CLYBL: variants seen among roughly 807,000 people sequenced by gnomAD.
The protein encoded by CLYBL is citramalyl-CoA lyase, mitochondrial.
Under a neutral mutation model 38.9 loss-of-function variants are expected in CLYBL, and 31 were observed. That is an observed-to-expected ratio of 0.80 (90% CI 0.60 to 1.08). The LOEUF (loss-of-function observed/expected upper bound fraction) is 1.08, where lower values mean the gene tolerates loss of function less well. CLYBL is among the 50% of genes least tolerant of loss of function. The pLI is 0.00. For synonymous variants in CLYBL, 171 were observed against 158.6 expected (o/e 1.08, Z -0.59); for missense variants, 434 against 411.6 (o/e 1.05, Z -0.47).
rs2051820879 is a variant in CLYBL at position 99,869,010 on chromosome 13, CT to C, written c.803-1927del. 6.6e-6 allele frequency among the ~76,000 whole-genome samples: 1 copy of C among 152,132 alleles called. No individual in the cohort carries two copies. Among genetic ancestry groups the C allele is most frequent in the Non-Finnish European group, 1.5e-5 (1 of 68,004 alleles). Reference sequence around the variant, plus strand: ...TTTTAATGTCTTCCAATTTTGCACCCTCTCAGTAACTTGTCAATAACAACTC... The same window carrying C: ...TTTTAATGTCTTCCAATTTTGCACCCCTCAGTAACTTGTCAATAACAACTC... On this transcript the variant is annotated intron_variant, in intron 6 of 8. Transcript: ENST00000339105. The surrounding 1 kb of genome is among the most constrained non-coding windows in gnomAD (Gnocchi z 4.3).
At chr13:99,728,174 T>A (rs1342348849) in intron 1 of CLYBL, among the ~76,000 whole-genome samples, 1 of 152,224 alleles carries the variant, frequency 6.6e-6, no homozygotes, top group Admixed American at 6.5e-5. Context: ...GCTCTGTGTT[T>A]TGGTGGGGGG....
At chr13:99,634,651 G>A (rs2046993964) in intron 1 of CLYBL, among the ~76,000 whole-genome samples, 2 of 147,172 alleles carry the variant, frequency 1.4e-5, no homozygotes, top group Non-Finnish European at 3.0e-5. Flanking sequence ...TTTTAATGTG[G>A]ATGTATTACT....
intron 1 of CLYBL, among the ~76,000 whole-genome samples, chr13:99,668,273 T>TAA (rs34558107): frequency 0.49 from 71,404 of 145,806 alleles, 17,466 homozygotes; most frequent in East Asian, 0.75. Context: ...GCCCTTGTCT[T>TAA]AAAAAAAAAA....
At chr13:99,776,411 A>G (rs1212148091) in intron 2 of CLYBL, among the ~76,000 whole-genome samples, 1 of 148,084 alleles carries the variant, frequency 6.8e-6, no homozygotes, top group Non-Finnish European at 1.5e-5. Flanking sequence ...CACGAGAATC[A>G]CTTGAACCTG....
At position 99,689,812 on chromosome 13, in the gene CLYBL, A is replaced by C. The variant is rs2047873412; in HGVS notation, c.63-83012A>C. On this transcript the variant is annotated intron_variant, in intron 1 of 8. Coordinates refer to ENST00000339105, the MANE Select transcript of CLYBL (RefSeq NM_206808.5). ...AAGGATTTAACTTTGACCAACACCA[A>C]ACTTGCATCTTGTTAAGGTAACTAA... is the stretch of plus-strand genomic sequence containing the variant. Among the ~76,000 whole-genome samples the C allele has an allele frequency of 2.0e-5, 3 of 152,166 alleles. No homozygotes were observed. In the South Asian group the frequency reaches 6.2e-4, roughly 32 times the overall value.
At chr13:99,837,441 G>C (rs1251989210) in intron 2 of CLYBL, among the ~76,000 whole-genome samples, 2 of 152,128 alleles carry the variant, frequency 1.3e-5, no homozygotes, top group Non-Finnish European at 2.9e-5. Context: ...GACAGAGCGA[G>C]ACCCTGTCTC....
At chr13:99,617,664 G>A (rs2046733981) in intron 1 of CLYBL, among the ~76,000 whole-genome samples, 3 of 152,008 alleles carry the variant, frequency 2.0e-5, no homozygotes, top group Admixed American at 2.0e-4. Flanking sequence ...AGTTTTTTCT[G>A]TTCATTTTAA....
chr13:99,679,745 A>T (rs924113125), intron 1 of CLYBL, among the ~76,000 whole-genome samples: 14 of 152,008 alleles, frequency 9.2e-5, no homozygotes, highest in Non-Finnish European at 1.5e-4. Flanking sequence ...TGGGGGGGGA[A>T]ATGTCTGGTA....
chr13:99,739,739 C>T (rs1183347051), intron 1 of CLYBL, among the ~76,000 whole-genome samples: 1 of 152,122 alleles, frequency 6.6e-6, no homozygotes, highest in Non-Finnish European at 1.5e-5. Flanking sequence ...TTTAGGAGGC[C>T]GAGGTGGGTG....
At chr13:99,883,696 CTGTTA>C (rs1280512282) in intron 7 of CLYBL, among the ~76,000 whole-genome samples, 1 of 152,088 alleles carries the variant, frequency 6.6e-6, no homozygotes, top group Non-Finnish European at 1.5e-5. Flanking sequence ...TTTTGTGTGT[CTGTTA>C]TGTCACTGGT....
At chr13:99,790,914 A>G (rs1361502753) in intron 2 of CLYBL, among the ~76,000 whole-genome samples, 4 of 152,186 alleles carry the variant, frequency 2.6e-5, no homozygotes, top group African/African-American at 4.8e-5. Flanking sequence ...ATATCCGCCA[A>G]TGGCTCCTGA....
At chr13:99,768,494 CT>C (rs779750350) in intron 1 of CLYBL, among the ~76,000 whole-genome samples, 14 of 84,892 alleles carry the variant, frequency 1.6e-4, no homozygotes, top group African/African-American at 4.6e-4. Flanking sequence ...CGCCCGACCT[CT>C]TTTTTTTTTT....
At chr13:99,710,296 C>G (rs1412888252) in intron 1 of CLYBL, among the ~76,000 whole-genome samples, 3 of 152,172 alleles carry the variant, frequency 2.0e-5, no homozygotes, top group African/African-American at 7.2e-5. Context: ...GTTTCTCCAT[C>G]CTCTCCAGAG....
chr13:99,749,910 AGT>A (rs1380937685), intron 1 of CLYBL, among the ~76,000 whole-genome samples: 1 of 152,238 alleles, frequency 6.6e-6, no homozygotes, highest in East Asian at 1.9e-4. Context: ...AACTTAGCAA[AGT>A]GAGAACATAA....
intron 2 of CLYBL, among the ~76,000 whole-genome samples, chr13:99,813,476 C>T (rs1001344817): frequency 6.6e-6 from 1 of 152,176 alleles, no homozygotes; most frequent in African/African-American, 2.4e-5. Flanking sequence ...TAGCTTGGTA[C>T]TGCAATCTTC....
At chr13:99,723,408 A>G (rs1049913774) in intron 1 of CLYBL, among the ~76,000 whole-genome samples, 4 of 152,248 alleles carry the variant, frequency 2.6e-5, no homozygotes, top group East Asian at 3.8e-4. Context: ...GCATTAAATT[A>G]TGAGCTTTCT....
chr13:99,716,476 C>T (rs1970474), intron 1 of CLYBL, among the ~76,000 whole-genome samples: 11,287 of 150,148 alleles, frequency 0.075, 552 homozygotes, highest in South Asian at 0.14. Flanking sequence ...CTCCGCCTCC[C>T]GGGTCCAAAT....
chr13:99,863,425 T>C (rs1183333016), intron 4 of CLYBL, among the ~76,000 whole-genome samples: 2 of 152,238 alleles, frequency 1.3e-5, no homozygotes, highest in Admixed American at 1.3e-4. Flanking sequence ...ACATGAAAAT[T>C]TGTCACCCTT....
chr13:99,775,735 T>C (rs1023316430), intron 2 of CLYBL, among the ~76,000 whole-genome samples: 7 of 152,122 alleles, frequency 4.6e-5, no homozygotes, highest in Non-Finnish European at 7.4e-5. Context: ...TCTTGAACTC[T>C]TGGACTCACG....
Sources: allele counts gnomAD v4.1 joint callset (sites outside exome capture counted in the v4.1 genomes callset), GRCh38; gene constraint gnomAD v4.1.1; non-coding constraint Gnocchi (gnomAD v3.1); transcripts MANE v1.5; gene names NCBI Gene and HGNC (gene_info 2026-07-23, HGNC 2026-07-21).